Variants in CLEC16A observed in about 807,000 individuals in gnomAD.
CLEC16A encodes C-type lectin domain containing 16A, also known as protein CLEC16A.
Under a neutral mutation model 109.5 loss-of-function variants are expected in CLEC16A, and 51 were observed. The ratio of observed to expected loss-of-function variants is 0.47; its 90% CI spans 0.37 to 0.59. The LOEUF is 0.59. Ranked by LOEUF, CLEC16A falls within the 20% of genes least tolerant of loss-of-function variation. CLEC16A has a pLI of 0.00. For synonymous variants in CLEC16A, 673 were observed against 564.2 expected, an observed-to-expected ratio of 1.19 and a Z score of -2.73; for missense variants, 1,339 against 1,394.0, an observed-to-expected ratio of 0.96 and a Z score of 0.63.
chr16:11,094,440 C>T (rs1410809111), intron 19 of CLEC16A, among the ~76,000 whole-genome samples: 3 of 152,336 alleles, frequency 2.0e-5, no homozygotes, highest in South Asian at 2.1e-4. Flanking sequence ...CAGAAGTGCT[C>T]TTGTGGCTTA....
At chr16:11,133,781 C>CA (rs5815616) in intron 22 of CLEC16A, among the ~76,000 whole-genome samples, 28,411 of 151,934 alleles carry the variant, frequency 0.19, 2,875 homozygotes, top group African/African-American at 0.27. Context: ...CTCCCCAAGG[C>CA]AAAAAATACC....
At chr16:11,120,588 A>C (rs747996638) in intron 19 of CLEC16A, 27 bp from the exon 20 acceptor site, 1 of 1,592,168 alleles carries the variant, frequency 6.3e-7, no homozygotes, top group Non-Finnish European at 8.6e-7. Context: ...ACTGTGCCTC[A>C]TTCTCTTCTC....
At chr16:11,085,093 G>T (rs955118194) in intron 19 of CLEC16A, among the ~76,000 whole-genome samples, 18 of 152,206 alleles carry the variant, frequency 1.2e-4, no homozygotes, top group Non-Finnish European at 2.5e-4. Context: ...TCTTCCCCAG[G>T]AGCCTGTCGT....
intron 22 of CLEC16A, among the ~76,000 whole-genome samples, chr16:11,147,909 C>G (rs1476881825): frequency 2.0e-5 from 3 of 152,226 alleles, no homozygotes; most frequent in Non-Finnish European, 4.4e-5. Flanking sequence ...AACCTTGATG[C>G]AATCCAGACT....
chr16:11,071,919 C>A (rs2049096254), intron 19 of CLEC16A, among the ~76,000 whole-genome samples: 1 of 151,724 alleles, frequency 6.6e-6, no homozygotes, highest in African/African-American at 2.4e-5. Context: ...TGTGATAATG[C>A]CATTGTGGTT....
At chr16:10,946,975 C>T (rs1354128615) in intron 1 of CLEC16A, among the ~76,000 whole-genome samples, 1 of 152,246 alleles carries the variant, frequency 6.6e-6, no homozygotes, top group African/African-American at 2.4e-5. Flanking sequence ...TTTGAGAACA[C>T]TTTTGACTTG....
chr16:11,096,774 T>C (rs1321108322), intron 19 of CLEC16A, among the ~76,000 whole-genome samples: 1 of 152,232 alleles, frequency 6.6e-6, no homozygotes, highest in Non-Finnish European at 1.5e-5. Flanking sequence ...TTGGCAAATG[T>C]AGGAATATTT....
chr16:11,107,296 G>C (rs569434723), intron 19 of CLEC16A, among the ~76,000 whole-genome samples: 1 of 152,082 alleles, frequency 6.6e-6, no homozygotes, highest in South Asian at 2.1e-4. Flanking sequence ...AGGCCTGGCA[G>C]TAGAAAGGTG....
intron 11 of CLEC16A, among the ~76,000 whole-genome samples, chr16:11,015,651 T>C (rs1391540648): frequency 6.6e-6 from 1 of 152,202 alleles, no homozygotes; most frequent in East Asian, 1.9e-4. Flanking sequence ...AAAAAAAAAG[T>C]TGGATGAGCT....
At position 11,178,597 on chromosome 16, in the gene CLEC16A, C is replaced by T. The variant is rs750111486; in HGVS notation, c.3069C>T (p.Gly1023=). Residue 1023 remains glycine (G), a synonymous_variant, in exon 24 of 24, where the codon GGC becomes GGT. Coordinates refer to ENST00000409790, the MANE Select transcript of CLEC16A (RefSeq NM_015226.3). The surrounding 1 kb of genome is among the most constrained non-coding windows in gnomAD (Gnocchi z 6.5). The stretch of plus-strand genomic sequence containing the variant: ...CCCACAGCCTCCGCAGCCTCACCGG[C>T]ATGCCCCCGCTGTCCACGCCGGCTG... ...VDPHSLRSLT[G]MPPLSTPAAA... The T allele has an allele frequency of 5.0e-6, 8 of 1,607,956 alleles. No homozygotes were observed. In the East Asian group the frequency reaches 6.7e-5, roughly 13 times the overall value.
At chr16:11,075,009 C>G (rs1337367255) in intron 19 of CLEC16A, among the ~76,000 whole-genome samples, 1 of 152,048 alleles carries the variant, frequency 6.6e-6, no homozygotes, top group Non-Finnish European at 1.5e-5. Flanking sequence ...CCTGTCTCTA[C>G]AAAAATTTTT....
chr16:10,962,617 G>C (rs764505875), intron 3 of CLEC16A, 29 bp downstream of exon 3: 3 of 1,610,214 alleles, frequency 1.9e-6, no homozygotes, highest in Non-Finnish European at 2.5e-6. Context: ...ATTTGCCTCT[G>C]TGCTGCTGTG....
intron 22 of CLEC16A, among the ~76,000 whole-genome samples, chr16:11,130,732 C>T (rs1259009806): frequency 3.3e-5 from 5 of 152,184 alleles, no homozygotes; most frequent in East Asian, 1.9e-4. Context: ...GGCCGCACAG[C>T]GCATGGAGTC....
intron 11 of CLEC16A, among the ~76,000 whole-genome samples, chr16:11,019,333 T>C (rs888538786): frequency 2.0e-5 from 3 of 152,190 alleles, no homozygotes; most frequent in Admixed American, 2.0e-4. Flanking sequence ...ATGCACACCA[T>C]GCTTAAGCTG....
intron 13 of CLEC16A, 142 bp downstream of exon 13, chr16:11,025,063 A>G: frequency 1.7e-6 from 1 of 603,020 alleles, no homozygotes; most frequent in South Asian, 2.0e-5. Context: ...TTTGGTTTTG[A>G]CTCCCGCTCC....
intron 23 of CLEC16A, among the ~76,000 whole-genome samples, chr16:11,168,967 C>T (rs2068390336): frequency 6.6e-6 from 1 of 152,232 alleles, no homozygotes; most frequent in Admixed American, 6.5e-5. Context: ...GGGACCTGGC[C>T]CTGATCCACC....
chr16:10,976,885 G>A (rs1196261496), intron 7 of CLEC16A, among the ~76,000 whole-genome samples: 1 of 152,226 alleles, frequency 6.6e-6, no homozygotes, highest in African/African-American at 2.4e-5. Flanking sequence ...TAATTACAGT[G>A]GATTTATTGC....
intron 13 of CLEC16A, among the ~76,000 whole-genome samples, chr16:11,037,837 A>G (rs1263740998): frequency 1.4e-5 from 2 of 143,896 alleles, no homozygotes; most frequent in Non-Finnish European, 3.1e-5. Flanking sequence ...AGGGCCAGAA[A>G]TTAACGAGTA....
At chr16:11,084,030 G>A (rs1156430636) in intron 19 of CLEC16A, among the ~76,000 whole-genome samples, 2 of 152,140 alleles carry the variant, frequency 1.3e-5, no homozygotes, top group African/African-American at 4.8e-5. Flanking sequence ...CAAGCCGTAT[G>A]GGCCCCAGCA....
Sources: allele counts gnomAD v4.1 joint callset (sites outside exome capture counted in the v4.1 genomes callset), GRCh38; gene constraint gnomAD v4.1.1; non-coding constraint Gnocchi (gnomAD v3.1); transcripts MANE v1.5; gene names NCBI Gene and HGNC (gene_info 2026-07-23, HGNC 2026-07-21).